CIMAP2: variants seen among roughly 807,000 people sequenced by gnomAD.
CIMAP2 encodes ciliary microtubule associated protein 2.
chr1:54,811,765 G>GCCGGGGGGGGGGCGGCCCCCCC, the CIMAP2 span: 1 of 1,301,324 alleles, frequency 7.7e-7, no homozygotes. Flanking sequence ...GGTTCTGACA[G>GCCGGGGGGGGGGCGGCCCCCCC]CCTCCATGCC....
At chr1:54,808,382 A>G in the CIMAP2 span, among the ~76,000 whole-genome samples, 59 of 152,280 alleles carry the variant, frequency 3.9e-4, no homozygotes, top group African/African-American at 1.4e-3. Context: ...GTCGTGAGCA[A>G]CGGAGACTTG....
At chr1:54,841,622 G>C in the CIMAP2 span, 3 of 1,614,048 alleles carry the variant, frequency 1.9e-6, no homozygotes, top group Non-Finnish European at 2.5e-6. Flanking sequence ...TTAGAATCAG[G>C]CTGTTTTGTT....
chr1:54,825,592 G>A, the CIMAP2 span, among the ~76,000 whole-genome samples: 1 of 152,138 alleles, frequency 6.6e-6, no homozygotes, highest in African/African-American at 2.4e-5. Flanking sequence ...GTGGCACAGT[G>A]GGCTGGGTAT....
chr1:54,816,941 T>A, the CIMAP2 span: 1 of 1,609,072 alleles, frequency 6.2e-7, no homozygotes, highest in East Asian at 2.2e-5. Flanking sequence ...CGAGACACAG[T>A]CTCCAAGCCA....
chr1:54,829,943 G>A, the CIMAP2 span, among the ~76,000 whole-genome samples: 2 of 151,442 alleles, frequency 1.3e-5, no homozygotes, highest in Admixed American at 6.6e-5. Flanking sequence ...GTTTTTCCTC[G>A]AATGTCTGGT....
At chr1:54,836,096 A>G in the CIMAP2 span, among the ~76,000 whole-genome samples, 1 of 151,726 alleles carries the variant, frequency 6.6e-6, no homozygotes, top group African/African-American at 2.4e-5. Flanking sequence ...TCTCCCCTCA[A>G]ACCCCTCTGC....
At chr1:54,820,110 CTCTCTT>C in the CIMAP2 span, among the ~76,000 whole-genome samples, 33 of 97,866 alleles carry the variant, frequency 3.4e-4, 1 homozygote, top group African/African-American at 1.2e-3. Context: ...CTTTCTCTCT[CTCTCTT>C]TCTTTCTTTC....
At chr1:54,841,619 C>A in the CIMAP2 span, 2 of 1,614,142 alleles carry the variant, frequency 1.2e-6, no homozygotes, top group South Asian at 2.2e-5. Context: ...TCCTTAGAAT[C>A]AGGCTGTTTT....
At chr1:54,811,035 A>G in the CIMAP2 span, among the ~76,000 whole-genome samples, 1 of 152,118 alleles carries the variant, frequency 6.6e-6, no homozygotes, top group Non-Finnish European at 1.5e-5. Context: ...AGCACGTGCC[A>G]TTCCACCCAA....
At chr1:54,808,985 T>G in the CIMAP2 span, among the ~76,000 whole-genome samples, 3 of 7,088 alleles carry the variant, frequency 4.2e-4, no homozygotes, top group Non-Finnish European at 4.5e-4. Flanking sequence ...CTTCTTCTTG[T>G]GTGTGACTGG....
chr1:54,807,630 G>A, the CIMAP2 span: 271 of 1,611,010 alleles, frequency 1.7e-4, 2 homozygotes, highest in African/African-American at 3.3e-3. Flanking sequence ...AGGAAGCCAC[G>A]CGGCTGACCC....
the CIMAP2 span, among the ~76,000 whole-genome samples, chr1:54,821,170 T>C: frequency 0.2 from 29,963 of 152,188 alleles, 3,057 homozygotes; most frequent in East Asian, 0.34. Context: ...CATTTTCTCC[T>C]ATTCTACACG....
the CIMAP2 span, among the ~76,000 whole-genome samples, chr1:54,824,879 A>T: frequency 1.3e-5 from 2 of 150,172 alleles, no homozygotes; most frequent in Non-Finnish European, 3.0e-5. Flanking sequence ...CATTTCATAG[A>T]TTTCCTTTTG....
the CIMAP2 span, among the ~76,000 whole-genome samples, chr1:54,815,994 C>T: frequency 2.0e-5 from 3 of 152,172 alleles, no homozygotes; most frequent in African/African-American, 4.8e-5. Context: ...TGGTTGTCCC[C>T]GAATCCTTCC....
At chr1:54,822,060 G>A in the CIMAP2 span, among the ~76,000 whole-genome samples, 25 of 137,816 alleles carry the variant, frequency 1.8e-4, 3 homozygotes, top group Non-Finnish European at 2.4e-4. Flanking sequence ...CACTACGCCC[G>A]GCTAATTTTT....
chr1:54,806,935 T>G, the CIMAP2 span: 4 of 1,494,684 alleles, frequency 2.7e-6, no homozygotes. Context: ...GCTCCAGAAC[T>G]GCCCACGCCA....
the CIMAP2 span, among the ~76,000 whole-genome samples, chr1:54,811,488 TGAG>T: frequency 6.6e-6 from 1 of 151,920 alleles, no homozygotes; most frequent in Non-Finnish European, 1.5e-5. Flanking sequence ...GACATGTGCT[TGAG>T]GAGCAGCAAG....
At chr1:54,816,292 C>T in the CIMAP2 span, among the ~76,000 whole-genome samples, 93,730 of 152,092 alleles carry the variant, frequency 0.62, 29,443 homozygotes, top group South Asian at 0.75. Context: ...GCTTCTGGGT[C>T]CTAACATCTC....
the CIMAP2 span, among the ~76,000 whole-genome samples, chr1:54,837,597 A>C: frequency 6.6e-6 from 1 of 152,124 alleles, no homozygotes; most frequent in Non-Finnish European, 1.5e-5. Context: ...TCTCCTGCCC[A>C]GTGGTGGGAC....
Sources: gnomAD v4.1 joint callset for allele counts (sites outside exome capture counted in the v4.1 genomes callset) on GRCh38, gnomAD v4.1.1 for gene constraint, MANE v1.5 for transcripts, NCBI Gene and HGNC (gene_info 2026-07-23, HGNC 2026-07-21) for gene names.